The following NLRP5 variants were observed in gnomAD, a reference collection of about 807,000 sequenced individuals.
The protein encoded by NLRP5 is NLR family pyrin domain containing 5, also known as NACHT, LRR and PYD domains-containing protein 5.
A neutral mutation model predicts 113.1 loss-of-function variants in NLRP5; 93 were observed. The ratio of observed to expected loss-of-function variants is 0.82; its 90% confidence interval spans 0.70 to 0.98. The LOEUF (loss-of-function observed/expected upper bound fraction) is 0.98, where lower values mean the gene tolerates loss of function less well. NLRP5 is among the 50% of genes least tolerant of loss of function. NLRP5 has a pLI of 0.00. For missense variants in NLRP5, 1,808 were observed against 1,514.3 expected, an observed-to-expected ratio of 1.19 and a Z score of -3.22; for synonymous variants, 751 against 600.7, an observed-to-expected ratio of 1.25 and a Z score of -3.66.
intron 1 of NLRP5, among the ~76,000 whole-genome samples, chr19:56,000,229 T>G (rs1981586534): frequency 6.6e-6 from 1 of 151,632 alleles, no homozygotes; most frequent in African/African-American, 2.4e-5. Flanking sequence ...CTCTCCACTC[T>G]TTTCAATGAC....
rs370942099 is a variant in NLRP5 at position 56,005,476 on chromosome 19, T to TACAC, written c.442+1390_442+1393dup. On this transcript the variant is annotated intron_variant, in intron 2 of 14. Transcript: ENST00000390649. ...TTTTATATACACACACACATATTTA[T>TACAC]ACACACACACACGCAGGTGGCATGC... is the stretch of plus-strand genomic sequence containing the variant. 9.6e-5 allele frequency among the ~76,000 whole-genome samples: 14 copies of TACAC among 146,256 alleles called. 1 individual carries two copies. The highest frequency in any genetic ancestry group is 2.1e-4 in the African/African-American group (8 of 37,754).
intron 9 of NLRP5, among the ~76,000 whole-genome samples, chr19:56,035,213 T>C (rs1290430666): frequency 6.6e-6 from 1 of 152,164 alleles, no homozygotes; most frequent in Non-Finnish European, 1.5e-5. Context: ...TAAAGTATTC[T>C]GAGACAGACA....
rs938274084 is a variant in NLRP5, at chr19:56,005,255, TTATA to T, written c.442+1165_442+1168del. Among the ~76,000 whole-genome samples the T allele has an allele frequency of 2.9e-3, 351 of 122,676 alleles. 6 individuals are homozygous for T. The highest frequency in any genetic ancestry group is 0.01 in the African/African-American group (330 of 32,116). The allele number at this position is 122,676 out of a possible 152,430, so 80.5% of individuals were successfully genotyped here. On this transcript the variant is annotated intron_variant, in intron 2 of 14. Transcript: ENST00000390649. ...TTTTTATATATACACACATATATATTTATATATACACATACACATATACACATAT... is the reference window on the plus strand; with the variant it reads ...TTTTTATATATACACACATATATATTTATACACATACACATATACACATAT...
upstream of NLRP5, among the ~76,000 whole-genome samples, chr19:55,996,357 T>C (rs1368981987): frequency 6.6e-6 from 1 of 152,172 alleles, no homozygotes; most frequent in Non-Finnish European, 1.5e-5. Flanking sequence ...TCTTTGTTCA[T>C]CTTTTCTTTT....
chr19:56,038,542 G>T (rs1983403919), intron 10 of NLRP5, among the ~76,000 whole-genome samples: 1 of 152,116 alleles, frequency 6.6e-6, no homozygotes, highest in South Asian at 2.1e-4. Flanking sequence ...CACTGGAGAG[G>T]TATACCCACT....
chr19:55,991,098 G>A, the NLRP5 span, among the ~76,000 whole-genome samples: 2 of 152,056 alleles, frequency 1.3e-5, no homozygotes, highest in East Asian at 1.9e-4. Context: ...TTTTTCAGCG[G>A]GACTTTAAAG....
In NLRP5 at chr19:56,043,542, CTT is replaced by C. The variant is rs369622191; in HGVS notation, c.2957+2490_2957+2491del. 9.7e-5 allele frequency among the ~76,000 whole-genome samples: 9 copies of C among 92,960 alleles called. No homozygotes were observed. In the East Asian group the frequency reaches 3.8e-3, roughly 39 times the overall value. 61.0% of individuals were successfully genotyped at this position (92,960 alleles called of 152,430 possible). A position where few individuals can be genotyped will look rare whatever the true frequency, so the allele number is the denominator to read the frequency against. On this transcript the variant is annotated intron_variant, in intron 11 of 14. Coordinates refer to ENST00000390649, the MANE Select transcript of NLRP5 (RefSeq NM_153447.4). ...TGGATTGTCTGTTTACTCTGCTATT[CTT>C]TTTTTTTTTTTTTTTTTTTTTTTTT...
At chr19:55,994,346 G>T in the NLRP5 span, among the ~76,000 whole-genome samples, 1 of 151,920 alleles carries the variant, frequency 6.6e-6, no homozygotes, top group African/African-American at 2.4e-5. Context: ...ATATATTCTG[G>T]GTATTAGTTC....
At chr19:56,045,786 G>A (rs1327445295) in intron 11 of NLRP5, among the ~76,000 whole-genome samples, 1 of 152,168 alleles carries the variant, frequency 6.6e-6, no homozygotes, top group Non-Finnish European at 1.5e-5. Flanking sequence ...TCACAAGGTG[G>A]GAGGGGTCAC....
Position 56,028,249 on chromosome 19 carries a change from G to C in NLRP5, c.2016G>C (p.Leu672Phe), listed in dbSNP as rs1318191920. 9 of 1,613,866 alleles carry C rather than the reference G, an allele frequency of 5.6e-6. No individual in the cohort carries two copies. The highest frequency in any genetic ancestry group is 7.6e-6 in the Non-Finnish European group (9 of 1,179,906). The change falls in exon 7 of 15, where the codon TTG (leucine) becomes TTC (phenylalanine). Residue 672 changes from leucine to phenylalanine, a missense_variant. Physicochemically the swap from Leu to Phe is conservative, Grantham distance 22 (BLOSUM62 0). Coordinates refer to ENST00000390649, the MANE Select transcript of NLRP5 (RefSeq NM_153447.4). ...AGCTTCTGCACTGGGTCTCTCTGTT[G>C]GGTCAGCAGCCTAATGCCACCACCC...
intron 13 of NLRP5, among the ~76,000 whole-genome samples, chr19:56,054,025 T>G (rs929894573): frequency 1.3e-5 from 2 of 152,170 alleles, no homozygotes; most frequent in Non-Finnish European, 2.9e-5. Context: ...GAACAAGGTC[T>G]GGAGGTAGAA....
Position 56,000,748 on chromosome 19 carries a change from C to G in NLRP5, c.62+961C>G, listed in dbSNP as rs530231514. ...CTTGGTCGGGTGTGGTGGCTCACGCCTATAATCTCAGCACTTTGGGAGGCC... is the reference window on the plus strand; with the variant it reads ...CTTGGTCGGGTGTGGTGGCTCACGCGTATAATCTCAGCACTTTGGGAGGCC... On this transcript the variant is annotated intron_variant, in intron 1 of 14. Transcript: ENST00000390649. 3.3e-5 allele frequency among the ~76,000 whole-genome samples: 5 copies of G among 150,886 alleles called. No homozygotes were observed. In the East Asian group the frequency reaches 1.0e-3, roughly 31 times the overall value.
At chr19:55,999,212 C>CTTTTTTTTTTTTTTTTTTT (rs906346601), upstream of NLRP5, among the ~76,000 whole-genome samples, 2 of 111,710 alleles carry the variant, frequency 1.8e-5, no homozygotes, top group African/African-American at 6.9e-5. Context: ...TTTTCTTTTT[C>CTTTTTTTTTTTTTTTTTTT]TTTTTTTTTT....
Position 56,058,425 on chromosome 19 carries a change from A to G in NLRP5, c.3470+15A>G, listed in dbSNP as rs1361611840. On this transcript the variant is annotated intron_variant, in intron 14 of 14. Coordinates refer to ENST00000390649, the MANE Select transcript of NLRP5 (RefSeq NM_153447.4). ...CAGATAATTGGGTAAGTCGCCAGCAATTGTCTTCTGAGATACAGACCTGCT... is the reference window on the plus strand; with the variant it reads ...CAGATAATTGGGTAAGTCGCCAGCAGTTGTCTTCTGAGATACAGACCTGCT... 9 of 1,600,488 alleles carry G rather than the reference A, an allele frequency of 5.6e-6. No individual in the cohort carries two copies. Among genetic ancestry groups the G allele is most frequent in the African/African-American group, 5.4e-5 (4 of 74,714 alleles).
intron 11 of NLRP5, among the ~76,000 whole-genome samples, chr19:56,044,637 G>A (rs78464099): frequency 0.056 from 8,529 of 152,236 alleles, 405 homozygotes; most frequent in African/African-American, 0.13. Context: ...TTGAAATCAG[G>A]TAGTGTGATG....
the NLRP5 span, among the ~76,000 whole-genome samples, chr19:55,991,509 G>T: frequency 6.6e-6 from 1 of 151,818 alleles, no homozygotes; most frequent in Non-Finnish European, 1.5e-5. Context: ...TCTAGCAGCC[G>T]CATTTTAAAG....
At chr19:55,996,283 G>A (rs914908560), upstream of NLRP5, among the ~76,000 whole-genome samples, 4 of 152,132 alleles carry the variant, frequency 2.6e-5, no homozygotes, top group African/African-American at 7.2e-5. Context: ...GTCATACATG[G>A]CCTTTATTGT....
the NLRP5 span, among the ~76,000 whole-genome samples, chr19:55,994,011 A>G: frequency 6.6e-6 from 1 of 150,888 alleles, no homozygotes; most frequent in East Asian, 1.9e-4. Flanking sequence ...ATCATAGGGT[A>G]TTAATCTATT....
intron 13 of NLRP5, among the ~76,000 whole-genome samples, chr19:56,054,684 A>T (rs1234427864): frequency 6.6e-6 from 1 of 152,154 alleles, no homozygotes; most frequent in Non-Finnish European, 1.5e-5. Context: ...TTCCATTTGT[A>T]TAAAATACCC....
Sources: gnomAD v4.1 joint callset for allele counts (sites outside exome capture counted in the v4.1 genomes callset) on GRCh38, gnomAD v4.1.1 for gene constraint, MANE v1.5 for transcripts, NCBI Gene and HGNC (gene_info 2026-07-23, HGNC 2026-07-21) for gene names.